The following GNPTAB variants were observed in gnomAD, a reference collection of about 807,000 sequenced individuals.
GNPTAB encodes the protein N-acetylglucosamine-1-phosphate transferase subunits alpha and beta, also known as N-acetylglucosamine-1-phosphotransferase subunits alpha/beta.
A neutral mutation model predicts 136.6 loss-of-function variants in GNPTAB; 92 were observed. That is an observed-to-expected ratio of 0.67 (90% CI 0.57 to 0.80). GNPTAB has a LOEUF of 0.80. Ranked by LOEUF, GNPTAB falls within the 30% of genes least tolerant of loss-of-function variation. GNPTAB has a pLI of 0.00. For missense variants in GNPTAB, 1,343 were observed against 1,501.8 expected (o/e 0.89, Z 1.75); for synonymous variants, 512 against 535.1 (o/e 0.96, Z 0.60).
In GNPTAB at chr12:101,786,227, AAC is replaced by A. The variant is rs768896327; in HGVS notation, c.366-12_366-11del. On this transcript the variant is annotated splice_polypyrimidine_tract_variant and intron_variant, in intron 4 of 20. Transcript: ENST00000299314. Reference sequence around the variant, plus strand: ...CTCTAACTGCTTCTCACTGGAAAGAAACACCAACATGCTTACAATTACATTCT... The same window carrying A: ...CTCTAACTGCTTCTCACTGGAAAGAAACCAACATGCTTACAATTACATTCT... The A allele has an allele frequency of 6.3e-7, 1 of 1,599,144 alleles. No homozygotes were observed. Among genetic ancestry groups the A allele is most frequent in the Non-Finnish European group, 8.6e-7 (1 of 1,167,824 alleles).
intron 18 of GNPTAB, among the ~76,000 whole-genome samples, chr12:101,755,163 C>A (rs1163453938): frequency 6.6e-6 from 1 of 152,046 alleles, no homozygotes; most frequent in African/African-American, 2.4e-5. Flanking sequence ...TAAAATGATA[C>A]AATGTTTGAG....
chr12:101,760,994 T>G (rs1038921581), intron 15 of GNPTAB, 133 bp downstream of exon 15: 2 of 698,148 alleles, frequency 2.9e-6, no homozygotes, highest in Admixed American at 2.1e-5. Flanking sequence ...TTGCCCAGGT[T>G]GGTCTCGAAC....
intron 16 of GNPTAB, among the ~76,000 whole-genome samples, chr12:101,758,785 C>T (rs1178450372): frequency 6.6e-6 from 1 of 152,170 alleles, no homozygotes; most frequent in Non-Finnish European, 1.5e-5. Context: ...AGGAGGTGTC[C>T]TATCTGCAGT....
intron 1 of GNPTAB, among the ~76,000 whole-genome samples, chr12:101,830,230 T>A (rs1480904065): frequency 1.3e-5 from 2 of 152,278 alleles, no homozygotes; most frequent in Non-Finnish European, 2.9e-5. Context: ...TCCGTCTCTA[T>A]TTTTAAAAAA....
intron 7 of GNPTAB, 105 bp downstream of exon 7, chr12:101,780,045 TTA>T: frequency 9.0e-7 from 1 of 1,116,388 alleles, no homozygotes; most frequent in Non-Finnish European, 1.4e-6. Context: ...TCTTTGCTTC[TTA>T]TGTTTATCAG....
At chr12:101,759,809 A>C (rs1415378971) in intron 16 of GNPTAB, among the ~76,000 whole-genome samples, 2 of 152,242 alleles carry the variant, frequency 1.3e-5, no homozygotes, top group African/African-American at 4.8e-5. Flanking sequence ...CCGCTTATGG[A>C]ATATAAGCAA....
chr12:101,792,803 T>C (rs1869065530), intron 2 of GNPTAB, among the ~76,000 whole-genome samples: 2 of 152,228 alleles, frequency 1.3e-5, no homozygotes, highest in African/African-American at 4.8e-5. Flanking sequence ...TATCATGCAT[T>C]CTGTGCCCTG....
intron 3 of GNPTAB, 146 bp from the exon 4 acceptor site, chr12:101,788,735 A>G: frequency 1.5e-6 from 1 of 655,150 alleles, no homozygotes; most frequent in Non-Finnish European, 2.8e-6. Flanking sequence ...ATGCACTGGG[A>G]AAGTCATATA....
chr12:101,794,294 A>T (rs756917444), intron 2 of GNPTAB, among the ~76,000 whole-genome samples: 1 of 152,168 alleles, frequency 6.6e-6, no homozygotes, highest in Non-Finnish European at 1.5e-5. Context: ...AATAGTTTAT[A>T]TATTCACTTT....
intron 1 of GNPTAB, among the ~76,000 whole-genome samples, chr12:101,819,560 C>A (rs1029077282): frequency 6.6e-6 from 1 of 152,096 alleles, no homozygotes; most frequent in Non-Finnish European, 1.5e-5. Flanking sequence ...AAAAATGAAG[C>A]AATTTTGAGA....
intron 7 of GNPTAB, among the ~76,000 whole-genome samples, chr12:101,773,927 T>A (rs1054664987): frequency 6.6e-6 from 1 of 152,220 alleles, no homozygotes; most frequent in Non-Finnish European, 1.5e-5. Flanking sequence ...TAAATTTACA[T>A]AAATTATAAG....
chr12:101,822,203 G>C (rs974955549), intron 1 of GNPTAB, among the ~76,000 whole-genome samples: 3 of 152,130 alleles, frequency 2.0e-5, no homozygotes, highest in Non-Finnish European at 4.4e-5. Flanking sequence ...CACGAGGTCA[G>C]GAGATCAAGA....
chr12:101,784,298 AGGGAAG>A (rs545801040), intron 5 of GNPTAB, among the ~76,000 whole-genome samples: 133 of 152,302 alleles, frequency 8.7e-4, no homozygotes, highest in African/African-American at 3.1e-3. Context: ...ATGTACTGAG[AGGGAAG>A]GGGAAGGGGA....
intron 18 of GNPTAB, chr12:101,756,090 G>C (rs1456735431): frequency 1.3e-5 from 2 of 152,328 alleles, no homozygotes; most frequent in African/African-American, 4.8e-5. Context: ...TTCAAGTGGA[G>C]GGAACAGCAT....
intron 1 of GNPTAB, among the ~76,000 whole-genome samples, chr12:101,803,792 A>G (rs1230925225): frequency 1.3e-5 from 2 of 152,240 alleles, no homozygotes; most frequent in African/African-American, 4.8e-5. Flanking sequence ...AAAATATAAT[A>G]AACACTGTTA....
chr12:101,784,277 C>T lies in GNPTAB; in HGVS notation c.571+1735G>A, dbSNP rs375413612. ...AGAGAGGACTTGAAGTGGGGCTGGA[C>T]GAAGCAGGGGATGTACTGAGAGGGA... On this transcript the variant is annotated intron_variant, in intron 5 of 20. Transcript: ENST00000299314. Among the ~76,000 whole-genome samples, 179 of 152,164 alleles carry T rather than the reference C, an allele frequency of 1.2e-3. 3 individuals are homozygous for T. The highest frequency in any genetic ancestry group is 4.1e-3 in the African/African-American group (171 of 41,496).
chr12:101,765,451 G>C, intron 12 of GNPTAB, 147 bp from the exon 13 acceptor site: 2 of 659,964 alleles, frequency 3.0e-6, no homozygotes, highest in African/African-American at 1.8e-5. Flanking sequence ...CCTTGTGCAG[G>C]GGCCATGCTA....
intron 18 of GNPTAB, among the ~76,000 whole-genome samples, chr12:101,754,020 G>C (rs562982019): frequency 6.6e-6 from 1 of 152,108 alleles, no homozygotes; most frequent in African/African-American, 2.4e-5. Context: ...GTGGTGGCAC[G>C]TGCCTGTGGT....
At chr12:101,752,594 TA>T (rs1405004368) in intron 19 of GNPTAB, among the ~76,000 whole-genome samples, 8 of 152,262 alleles carry the variant, frequency 5.3e-5, no homozygotes, top group Non-Finnish European at 8.8e-5. Flanking sequence ...ATTCTCCAAC[TA>T]AGCTGGGCTA....
Sources: allele counts gnomAD v4.1 joint callset (sites outside exome capture counted in the v4.1 genomes callset), GRCh38; gene constraint gnomAD v4.1.1; transcripts MANE v1.5; gene names NCBI Gene and HGNC (gene_info 2026-07-23, HGNC 2026-07-21).